Variants in ASMTL observed in about 807,000 individuals in gnomAD.
The protein encoded by ASMTL is probable bifunctional dTTP/UTP pyrophosphatase/methyltransferase protein.
In ASMTL, 57 loss-of-function variants were observed where a neutral mutation model predicts 60.3. That is an observed-to-expected ratio of 0.95 (90% CI 0.76 to 1.18). ASMTL has a LOEUF of 1.18. Among genes scored for constraint, ASMTL ranks in the 50% most tolerant of loss-of-function variants. ASMTL has a pLI of 0.00. For missense variants in ASMTL, 981 were observed against 852.6 expected (o/e 1.15, Z -1.88); for synonymous variants, 419 against 373.0 (o/e 1.12, Z -1.42).
intron 8 of ASMTL, among the ~76,000 whole-genome samples, chrX:1,424,438 G>C (rs56208170): frequency 7.1e-6 from 1 of 141,658 alleles, no homozygotes; most frequent in East Asian, 2.2e-4. Flanking sequence ...CCACCCAGCC[G>C]TGCACCCATC....
rs2090924480 is a variant in ASMTL at position 1,435,094 on chromosome X, A to G, written c.339-11T>C. 5 of 1,613,806 alleles carry G rather than the reference A, an allele frequency of 3.1e-6. No individual in the cohort carries two copies. The African/African-American group carries it at 5.3e-5, about 17-fold the overall frequency. On this transcript the variant is annotated splice_polypyrimidine_tract_variant and intron_variant, in intron 4 of 12. Transcript: ENST00000381317. ...TCTCTCCCACTCAACCTGTAAGACA[A>G]CAACGGGTGACCACGTGACCATGCT... is the stretch of plus-strand genomic sequence containing the variant.
intron 2 of ASMTL, among the ~76,000 whole-genome samples, chrX:1,439,944 T>C (rs1293784440): frequency 1.3e-5 from 2 of 151,988 alleles, no homozygotes; most frequent in African/African-American, 2.4e-5. Flanking sequence ...CAACAGGCAG[T>C]CACAGGACAT....
At chrX:1,405,566 C>T (rs1369445954) in intron 12 of ASMTL, among the ~76,000 whole-genome samples, 16 of 142,686 alleles carry the variant, frequency 1.1e-4, no homozygotes, top group African/African-American at 4.2e-4. Context: ...TAGATGGATG[C>T]ATGCATGAGA....
At chrX:1,452,573 G>C (rs1218997567) in intron 1 of ASMTL, among the ~76,000 whole-genome samples, 175 bp downstream of exon 1, 2 of 149,860 alleles carry the variant, frequency 1.3e-5, no homozygotes, top group Non-Finnish European at 3.0e-5. Flanking sequence ...TAGAGGTTCC[G>C]GGTCACTCTC....
intron 1 of ASMTL, among the ~76,000 whole-genome samples, chrX:1,452,485 C>T (rs868131528): frequency 1.3e-5 from 2 of 151,224 alleles, no homozygotes; most frequent in African/African-American, 4.9e-5. Flanking sequence ...GATCCCCTCC[C>T]CCATCCCTAT....
At chrX:1,449,581 C>A (rs1306395342) in intron 1 of ASMTL, among the ~76,000 whole-genome samples, 1 of 151,866 alleles carries the variant, frequency 6.6e-6, no homozygotes, top group Admixed American at 6.6e-5. Context: ...CCATAGGCAA[C>A]CAGTAACTAC....
intron 10 of ASMTL, 23 bp downstream of exon 10, chrX:1,418,959 G>A: frequency 6.2e-7 from 1 of 1,611,054 alleles, no homozygotes; most frequent in Non-Finnish European, 8.5e-7. Context: ...AGTAAGGAGA[G>A]CCCTGGCGGG....
At position 1,412,743 on chromosome X, in the gene ASMTL, C is replaced by A; in HGVS notation, c.1634G>T (p.Ser545Ile). 1 of 1,614,008 alleles carries A rather than the reference C, an allele frequency of 6.2e-7. No homozygotes were observed. The highest frequency in any genetic ancestry group is 8.5e-7 in the Non-Finnish European group (1 of 1,179,864). Reference protein sequence around the residue: ...VHKLLSRVAESCKPGAGLLLV... With the variant: ...VHKLLSRVAEICKPGAGLLLV... Reference sequence around the variant, plus strand: ...CGATGGGCTCTCACCTGGCTTGCAGCTCTCGGCGACCCTGCTGAGTAACTT... The same window carrying A: ...CGATGGGCTCTCACCTGGCTTGCAGATCTCGGCGACCCTGCTGAGTAACTT... The change falls in exon 12 of 13, where the codon AGC becomes ATC. Residue 545 changes from serine to isoleucine, a missense_variant. By Grantham distance (142) the Ser-to-Ile change is moderately radical (BLOSUM62 -2). Coordinates refer to ENST00000381317, the MANE Select transcript of ASMTL (RefSeq NM_004192.4).
chrX:1,439,422 C>T (rs756119024), intron 2 of ASMTL, among the ~76,000 whole-genome samples: 9 of 152,328 alleles, frequency 5.9e-5, no homozygotes, highest in East Asian at 1.9e-4. Flanking sequence ...CTACGGGAAA[C>T]GCAATGCCTG....
chrX:1,421,548 A>T (rs1260883877), intron 9 of ASMTL, 110 bp downstream of exon 9: 2 of 1,207,150 alleles, frequency 1.7e-6, no homozygotes, highest in African/African-American at 3.0e-5. Flanking sequence ...AGCCTTTGGG[A>T]TCTGTCAGAC....
chrX:1,418,076 G>C lies in ASMTL; in HGVS notation c.1419C>G (p.Tyr473Ter). The C allele has an allele frequency of 6.2e-7, 1 of 1,612,448 alleles. No individual in the cohort carries two copies. The highest frequency in any genetic ancestry group is 8.5e-7 in the Non-Finnish European group (1 of 1,178,870). Residue 473 changes from tyrosine (Y) to a stop codon, truncating the protein, a stop_gained, in exon 11 of 13, where the codon TAC (tyrosine) becomes TAG (stop). Coordinates refer to ENST00000381317, the MANE Select transcript of ASMTL (RefSeq NM_004192.4). LOFTEE classifies it high-confidence loss of function. ...CAAACACAGTCACCTGCATACGAGG[G>C]TACTCACGGGCCAGCTCTCGGGCCA... Reference protein sequence around the residue: ...GALARELAREYPRMQVTVFDL... With the variant: ...GALARELARE
intron 11 of ASMTL, among the ~76,000 whole-genome samples, chrX:1,415,271 C>G (rs2090198091): frequency 6.6e-6 from 1 of 152,088 alleles, no homozygotes; most frequent in Non-Finnish European, 1.5e-5. Flanking sequence ...GGAAGTTCTC[C>G]TTCAAGTCTA....
chrX:1,430,311 C>A (rs1379609588), intron 6 of ASMTL, among the ~76,000 whole-genome samples: 1 of 152,080 alleles, frequency 6.6e-6, no homozygotes, highest in Non-Finnish European at 1.5e-5. Flanking sequence ...CATGCCTGGC[C>A]CTGATTTAAA....
intron 6 of ASMTL, among the ~76,000 whole-genome samples, chrX:1,429,114 C>T (rs1352690918): frequency 6.6e-6 from 1 of 151,698 alleles, no homozygotes; most frequent in Non-Finnish European, 1.5e-5. Context: ...ACGATGGTCT[C>T]GAACTCCTGA....
At chrX:1,436,022 A>C (rs1361499630) in intron 3 of ASMTL, among the ~76,000 whole-genome samples, 1 of 152,044 alleles carries the variant, frequency 6.6e-6, no homozygotes, top group South Asian at 2.1e-4. Flanking sequence ...GATCCTGGTA[A>C]CCGCCCATCC....
At chrX:1,437,632 T>G (rs1407540016) in intron 3 of ASMTL, among the ~76,000 whole-genome samples, 1 of 151,850 alleles carries the variant, frequency 6.6e-6, no homozygotes, top group East Asian at 1.9e-4. Flanking sequence ...GCGTGGTGGC[T>G]CACGCCTGTA....
intron 5 of ASMTL, among the ~76,000 whole-genome samples, chrX:1,433,079 C>T (rs769641037): frequency 6.6e-6 from 1 of 152,056 alleles, no homozygotes; most frequent in African/African-American, 2.4e-5. Context: ...GCCTGGGCGA[C>T]AGAGCGAGAC....
At chrX:1,450,548 A>G (rs867044465) in intron 1 of ASMTL, among the ~76,000 whole-genome samples, 12 of 89,738 alleles carry the variant, frequency 1.3e-4, no homozygotes, top group Admixed American at 2.5e-4. Flanking sequence ...TCACTAGGGC[A>G]TCCTGGGTCA....
intron 2 of ASMTL, among the ~76,000 whole-genome samples, chrX:1,439,785 A>G (rs1482608963): frequency 2.0e-5 from 3 of 150,936 alleles, no homozygotes; most frequent in African/African-American, 7.3e-5. Flanking sequence ...GCAGTGAGCC[A>G]AGGTTGCGCA....
Sources: allele counts gnomAD v4.1 joint callset (sites outside exome capture counted in the v4.1 genomes callset), GRCh38; gene constraint gnomAD v4.1.1; transcripts MANE v1.5; gene names NCBI Gene and HGNC (gene_info 2026-07-23, HGNC 2026-07-21).